The following VPS13D variants were observed in gnomAD, a reference collection of about 807,000 sequenced individuals.
VPS13D encodes the protein intermembrane lipid transfer protein VPS13D.
A neutral mutation model predicts 461.9 loss-of-function variants in VPS13D; 187 were observed. The observed-to-expected ratio is 0.40, with a 90% CI of 0.36 to 0.46. The LOEUF (loss-of-function observed/expected upper bound fraction) is 0.46. Ranked by LOEUF, VPS13D falls within the 20% of genes least tolerant of loss-of-function variation. The probability of loss-of-function intolerance (pLI) is 0.60; values close to 1 mark genes in which losing one functional copy is unlikely to be tolerated. For missense variants in VPS13D, 4,711 were observed against 5,364.9 expected (o/e 0.88, Z 3.81); for synonymous variants, 1,951 against 1,986.3 (o/e 0.98, Z 0.47).
At position 12,473,252 on chromosome 1, in the gene VPS13D, G is replaced by A. The variant is rs1398226695; in HGVS notation, c.12662+12856G>A. The stretch of plus-strand genomic sequence containing the variant: ...GCAAGAGGTCTTTCTTCAAAGAGAA[G>A]CGCTTGTTTCAGAAAAAGATGTGGA... On this transcript the variant is annotated intron_variant, in intron 67 of 69. Coordinates refer to ENST00000620676, the MANE Select transcript of VPS13D (RefSeq NM_015378.4). The surrounding 1 kb of genome is among the most constrained non-coding windows in gnomAD (Gnocchi z 4.2). Among the ~76,000 whole-genome samples the A allele has an allele frequency of 6.6e-6, 1 of 152,216 alleles. No individual in the cohort carries two copies. Among genetic ancestry groups the A allele is most frequent in the Non-Finnish European group, 1.5e-5 (1 of 68,030 alleles).
In VPS13D at chr1:12,460,996, C is replaced by A. The variant is rs534177933; in HGVS notation, c.12662+600C>A. Among the ~76,000 whole-genome samples, 4 of 152,310 alleles carry A rather than the reference C, an allele frequency of 2.6e-5. No individual in the cohort carries two copies. In the South Asian group the frequency reaches 8.3e-4, roughly 32 times the overall value. On this transcript the variant is annotated intron_variant, in intron 67 of 69. Transcript: ENST00000620676. The stretch of plus-strand genomic sequence containing the variant: ...GTGGGATTGCTGTCTGGCCTTGATA[C>A]CAGCTGAGACTGGAAATCAGGGACA...
intron 65 of VPS13D, among the ~76,000 whole-genome samples, chr1:12,452,244 C>T (rs1029385776): frequency 6.6e-6 from 1 of 152,166 alleles, no homozygotes; most frequent in Non-Finnish European, 1.5e-5. Context: ...ACTCATTTTT[C>T]CTTCGTCTGA....
At position 12,317,281 on chromosome 1, in the gene VPS13D, TC is replaced by T. The variant is rs1263028315; in HGVS notation, c.7149-790del. On this transcript the variant is annotated intron_variant, in intron 30 of 69. Coordinates refer to ENST00000620676, the MANE Select transcript of VPS13D (RefSeq NM_015378.4). ...TTTGTGCCTGGTGCTTTATTTCTTA[TC>T]ATATTAATATTCTTCATTTTATAAG... 2.0e-5 allele frequency among the ~76,000 whole-genome samples: 3 copies of T among 152,230 alleles called. No individual in the cohort carries two copies. In the East Asian group the frequency reaches 5.8e-4, roughly 29 times the overall value.
At chr1:12,493,962 TTCCTTTA>T (rs1645922850) in intron 67 of VPS13D, among the ~76,000 whole-genome samples, 2 of 152,126 alleles carry the variant, frequency 1.3e-5, no homozygotes, top group Non-Finnish European at 2.9e-5. Flanking sequence ...GGGGGGAAAA[TTCCTTTA>T]ATCCAGCTTT....
intron 37 of VPS13D, among the ~76,000 whole-genome samples, chr1:12,331,372 ACATTTT>A (rs1481363102): frequency 1.3e-5 from 2 of 152,128 alleles, no homozygotes; most frequent in Non-Finnish European, 2.9e-5. Flanking sequence ...ATGTTAGTTA[ACATTTT>A]CCCTGTGTAC....
chr1:12,477,458 C>T (rs755336103), intron 67 of VPS13D, among the ~76,000 whole-genome samples: 1 of 152,184 alleles, frequency 6.6e-6, no homozygotes, highest in Non-Finnish European at 1.5e-5. Context: ...TTCACCTCCG[C>T]GATGACCTGC....
At position 12,262,058 on chromosome 1, in the gene VPS13D, T is replaced by C. The variant is rs770152030; in HGVS notation, c.1572T>C (p.Ala524=). 25 of 1,611,982 alleles carry C rather than the reference T, an allele frequency of 1.6e-5. No individual in the cohort carries two copies. The Admixed American group carries it at 3.3e-4, about 22-fold the overall frequency. ...EQGTPQMNES[A]FMQLEFSDVK... ...GAACTCCTCAAATGAATGAAAGTGC[T>C]TTCATGCAGCTCGAGTTTTCAGGTA... is the stretch of plus-strand genomic sequence containing the variant. Residue 524 remains alanine, a synonymous_variant, in exon 13 of 70, where the codon GCT becomes GCC. Coordinates refer to ENST00000620676, the MANE Select transcript of VPS13D (RefSeq NM_015378.4).
chr1:12,415,065 A>C (rs375908025), intron 63 of VPS13D, 22 bp from the exon 64 acceptor site: 2 of 1,613,214 alleles, frequency 1.2e-6, no homozygotes, highest in East Asian at 2.2e-5. Context: ...TAAGTATGTC[A>C]TTTCCTTTCT....
intron 6 of VPS13D, among the ~76,000 whole-genome samples, chr1:12,252,649 G>A (rs1206805044): frequency 6.6e-6 from 1 of 151,848 alleles, no homozygotes; most frequent in Non-Finnish European, 1.5e-5. Context: ...GCATATACCT[G>A]TAGTCCCAGC....
intron 24 of VPS13D, among the ~76,000 whole-genome samples, chr1:12,295,222 C>CAAAAAAAAA (rs112447551): frequency 1.4e-5 from 1 of 72,976 alleles, no homozygotes. Context: ...CACCATGACT[C>CAAAAAAAAA]AAAAAAAAAA....
chr1:12,357,075 T>C (rs1427866936), intron 49 of VPS13D, among the ~76,000 whole-genome samples: 2 of 152,272 alleles, frequency 1.3e-5, no homozygotes, highest in Non-Finnish European at 2.9e-5. Flanking sequence ...GTGCTTTTAA[T>C]GTATGGTAGG....
Position 12,509,334 on chromosome 1 carries a change from A to G in VPS13D, c.*310A>G. 1 of 262,890 alleles carries G rather than the reference A, an allele frequency of 3.8e-6. No individual in the cohort carries two copies. Among genetic ancestry groups the G allele is most frequent in the Non-Finnish European group, 7.2e-6 (1 of 138,900 alleles). The allele number at this position is 262,890 out of a possible 1,614,324, so 16.3% of individuals were successfully genotyped here. ...TTTTGTTAACATGTATATATGTACA[A>G]CAGTGTGTTTGTAAATATATAGGAA... On this transcript the variant is annotated 3_prime_UTR_variant, in exon 70 of 70. Transcript: ENST00000620676.
chr1:12,261,277 GAGA>G (rs1419599400), intron 12 of VPS13D, 128 bp downstream of exon 12: 3 of 1,109,810 alleles, frequency 2.7e-6, no homozygotes, highest in African/African-American at 1.6e-5. Flanking sequence ...TAGAGGCTGA[GAGA>G]AGAAGTATTT....
At chr1:12,281,895 T>TC (rs932381345) in intron 20 of VPS13D, among the ~76,000 whole-genome samples, 2 of 152,088 alleles carry the variant, frequency 1.3e-5, no homozygotes, top group African/African-American at 4.8e-5. Flanking sequence ...GAAAATTTTT[T>TC]TTTTTTTTTT....
intron 68 of VPS13D, among the ~76,000 whole-genome samples, chr1:12,501,955 G>A (rs746133067): frequency 1.3e-5 from 2 of 152,176 alleles, no homozygotes; most frequent in African/African-American, 2.4e-5. Flanking sequence ...AAGAGCTCAC[G>A]GCAGGTCTGG....
Position 12,386,179 on chromosome 1 carries a change from T to C in VPS13D, c.11485-6T>C. 6.2e-7 allele frequency: 1 copy of C among 1,607,918 alleles called. No individual in the cohort carries two copies. Among genetic ancestry groups the C allele is most frequent in the East Asian group, 2.2e-5 (1 of 44,758 alleles). On this transcript the variant is annotated splice_region_variant and splice_polypyrimidine_tract_variant and intron_variant, in intron 59 of 69. Transcript: ENST00000620676. The stretch of plus-strand genomic sequence containing the variant: ...ATCAGGGTGCCATATTTTGGTTTCC[T>C]TTCAGGTGCTTGTGAGGTTAGAAGG...
intron 46 of VPS13D, among the ~76,000 whole-genome samples, chr1:12,351,385 G>A (rs538017835): frequency 6.6e-6 from 1 of 152,260 alleles, no homozygotes; most frequent in African/African-American, 2.4e-5. Context: ...CCGCCTCTTG[G>A]ATTCAAGCGA....
At chr1:12,506,764 C>T in intron 68 of VPS13D, 89 bp from the exon 69 acceptor site, 1 of 1,525,584 alleles carries the variant, frequency 6.6e-7, no homozygotes, top group Non-Finnish European at 8.9e-7. Context: ...CGCACTCAGG[C>T]CCTGGGGCCA....
chr1:12,420,568 T>G (rs1417231232), intron 65 of VPS13D, among the ~76,000 whole-genome samples: 1 of 152,224 alleles, frequency 6.6e-6, no homozygotes, highest in African/African-American at 2.4e-5. Context: ...TTGTAAATAT[T>G]GTATAAATGT....
Sources: allele counts gnomAD v4.1 joint callset (sites outside exome capture counted in the v4.1 genomes callset), GRCh38; gene constraint gnomAD v4.1.1; non-coding constraint Gnocchi (gnomAD v3.1); transcripts MANE v1.5; gene names NCBI Gene and HGNC (gene_info 2026-07-23, HGNC 2026-07-21).